CHAMP1: variants seen among roughly 807,000 people sequenced by gnomAD.
CHAMP1 encodes chromosome alignment maintaining phosphoprotein 1.
In CHAMP1, 4 loss-of-function variants were observed where a neutral mutation model predicts 54.5. The ratio of observed to expected loss-of-function variants is 0.07; its 90% CI spans 0.04 to 0.17. The LOEUF (loss-of-function observed/expected upper bound fraction) is 0.17. CHAMP1 is among the 10% of genes least tolerant of loss of function. The pLI, the probability that CHAMP1 is intolerant of heterozygous loss-of-function variation, is 1.00. For missense variants in CHAMP1, 994 were observed against 968.6 expected, an observed-to-expected ratio of 1.03 and a Z score of -0.35; for synonymous variants, 368 against 342.2, an observed-to-expected ratio of 1.08 and a Z score of -0.83.
At chr13:114,317,807 G>A (rs1348424352) in intron 1 of CHAMP1, among the ~76,000 whole-genome samples, 1 of 152,160 alleles carries the variant, frequency 6.6e-6, no homozygotes, top group Non-Finnish European at 1.5e-5. Context: ...TGGGAGATGG[G>A]AAATAGGTAT....
chr13:114,324,832 A>G lies in CHAMP1; in HGVS notation c.990A>G (p.Ser330=), dbSNP rs782455511. 1.2e-6 allele frequency: 2 copies of G among 1,614,000 alleles called. No homozygotes were observed. Among genetic ancestry groups the G allele is most frequent in the East Asian group, 2.2e-5 (1 of 44,870 alleles). Residue 330 remains serine (S), a synonymous_variant, in exon 3 of 3, where the codon TCA becomes TCG. Coordinates refer to ENST00000361283, the MANE Select transcript of CHAMP1 (RefSeq NM_032436.4). The part of the protein sequence containing the change: ...PRPWKSNPSA[S]SGPWKPAKPA... Reference sequence around the variant, plus strand: ...CTTGGAAATCCAATCCTTCAGCATCATCAGGACCTTGGAAGCCAGCTAAAC... The same window carrying G: ...CTTGGAAATCCAATCCTTCAGCATCGTCAGGACCTTGGAAGCCAGCTAAAC...
chr13:114,321,906 A>G (rs782464240), intron 2 of CHAMP1, among the ~76,000 whole-genome samples: 1 of 152,190 alleles, frequency 6.6e-6, no homozygotes, highest in Non-Finnish European at 1.5e-5. Context: ...TTCCTCAAGT[A>G]TCTGTCACCT....
intron 1 of CHAMP1, among the ~76,000 whole-genome samples, chr13:114,317,614 G>A (rs1378507855): frequency 3.3e-5 from 5 of 152,080 alleles, no homozygotes; most frequent in Admixed American, 3.3e-4. Context: ...AACAGAGCGA[G>A]ACCCTGTCTC....
intron 2 of CHAMP1, chr13:114,322,662 G>GA (rs1228971145): frequency 1.3e-5 from 2 of 152,202 alleles, no homozygotes; most frequent in Non-Finnish European, 2.9e-5. Flanking sequence ...TTTCCCTGCA[G>GA]AAATACCCTC....
chr13:114,316,392 A>G (rs1244480885), intron 1 of CHAMP1, among the ~76,000 whole-genome samples: 3 of 151,422 alleles, frequency 2.0e-5, no homozygotes, highest in Non-Finnish European at 2.9e-5. Context: ...CTGACTTTCA[A>G]CCTTAGGTGA....
chr13:114,326,212 G>T lies in CHAMP1; in HGVS notation c.2370G>T (p.Arg790=). Reference sequence around the variant, plus strand: ...AACATTTAACTCATTGTCAAAGCCGGCATAATGAAGAGGCAAATAAAAAGC... The same window carrying T: ...AACATTTAACTCATTGTCAAAGCCGTCATAATGAAGAGGCAAATAAAAAGC... ...FKKHLTHCQS[R]HNEEANKKLM... Residue 790 remains arginine (R), a synonymous_variant, in exon 3 of 3, where the codon CGG becomes CGT. Transcript: ENST00000361283. 6.2e-7 allele frequency: 1 copy of T among 1,601,472 alleles called. No individual in the cohort carries two copies. The highest frequency in any genetic ancestry group is 8.5e-7 in the Non-Finnish European group (1 of 1,174,310).
At chr13:114,323,569 G>A (rs1024243092) in intron 2 of CHAMP1, 3 of 359,842 alleles carry the variant, frequency 8.3e-6, no homozygotes, top group Admixed American at 8.9e-5. Context: ...TAATAGTTGA[G>A]TCATATCATT....
chr13:114,315,835 G>GTTTT (rs1194478086), intron 1 of CHAMP1, among the ~76,000 whole-genome samples: 2 of 129,952 alleles, frequency 1.5e-5, no homozygotes, highest in Non-Finnish European at 3.3e-5. Context: ...GGCAAGTTTT[G>GTTTT]TTTTTTTTTT....
intron 1 of CHAMP1, among the ~76,000 whole-genome samples, chr13:114,315,253 A>G (rs957045033): frequency 2.0e-5 from 3 of 151,638 alleles, no homozygotes; most frequent in Admixed American, 1.3e-4. Flanking sequence ...TAGGGTGGCT[A>G]TTAAAAAAAA....
rs1303893143 is a variant in CHAMP1, at chr13:114,314,651, G to C, written c.-179+8G>C. 6.6e-6 allele frequency: 1 copy of C among 152,164 alleles called. No individual in the cohort carries two copies. The highest frequency in any genetic ancestry group is 1.5e-5 in the Non-Finnish European group (1 of 68,042). 9.4% of individuals were successfully genotyped at this position (152,164 alleles called of 1,614,324 possible). A position where few individuals can be genotyped will look rare whatever the true frequency, so the allele number is the denominator to read the frequency against. ...CCGCCCGCGGCCGGACCGGTGAGGAGCGAGAGCGAGCGGGGGAGGGGCGTG... is the reference window on the plus strand; with the variant it reads ...CCGCCCGCGGCCGGACCGGTGAGGACCGAGAGCGAGCGGGGGAGGGGCGTG... On this transcript the variant is annotated splice_region_variant and intron_variant, in intron 1 of 2. Transcript: ENST00000361283.
At chr13:114,317,361 C>T (rs899632057) in intron 1 of CHAMP1, among the ~76,000 whole-genome samples, 1 of 151,466 alleles carries the variant, frequency 6.6e-6, no homozygotes, top group Admixed American at 6.6e-5. Flanking sequence ...CATGGTAGCT[C>T]ACACCTGTAA....
At chr13:114,317,321 G>A (rs528852067) in intron 1 of CHAMP1, among the ~76,000 whole-genome samples, 1 of 147,634 alleles carries the variant, frequency 6.8e-6, no homozygotes, top group Non-Finnish European at 1.5e-5. Context: ...CACTGCGCCC[G>A]CCCAGTTTAT....
At chr13:114,320,223 T>G (rs2087150463) in intron 1 of CHAMP1, among the ~76,000 whole-genome samples, 1 of 152,212 alleles carries the variant, frequency 6.6e-6, no homozygotes, top group Non-Finnish European at 1.5e-5. Context: ...TATCACATTC[T>G]GTTCCTGTCA....
chr13:114,326,807 A>G lies in CHAMP1; in HGVS notation c.*526A>G, dbSNP rs1481914559. 1.2e-5 allele frequency: 2 copies of G among 167,074 alleles called. No individual in the cohort carries two copies. Among genetic ancestry groups the G allele is most frequent in the African/African-American group, 4.8e-5 (2 of 41,440 alleles). The allele number at this position is 167,074 out of a possible 1,614,324, so 10.3% of individuals were successfully genotyped here. The stretch of plus-strand genomic sequence containing the variant: ...GATGTTTATTAGCTTTTATGTCATG[A>G]AATGTTGGAGTCTCAGGGTTGCTGA... On this transcript the variant is annotated 3_prime_UTR_variant, in exon 3 of 3. Coordinates refer to ENST00000361283, the MANE Select transcript of CHAMP1 (RefSeq NM_032436.4).
Position 114,326,046 on chromosome 13 carries a change from A to G in CHAMP1, c.2204A>G (p.His735Arg). 6.2e-7 allele frequency: 1 copy of G among 1,613,872 alleles called. No homozygotes were observed. The highest frequency in any genetic ancestry group is 8.5e-7 in the Non-Finnish European group (1 of 1,179,904). The change falls in exon 3 of 3, where the codon CAT becomes CGT. Residue 735 changes from histidine (H) to arginine (R), a missense_variant. Physicochemically the swap from His to Arg is conservative, Grantham distance 29. This residue lies in a region of CHAMP1 where 59 missense variants were observed against 146.7 expected (regional missense o/e 0.40). Coordinates refer to ENST00000361283, the MANE Select transcript of CHAMP1 (RefSeq NM_032436.4). ...CATTTGGTTAATAAGCATAATGTTC[A>G]TAGCCCTTACAAATGCACAATCTGT... ...LHHLVNKHNV[H>R]SPYKCTICGK...
intron 1 of CHAMP1, among the ~76,000 whole-genome samples, chr13:114,320,292 G>T (rs1403793951): frequency 1.3e-5 from 2 of 152,106 alleles, no homozygotes; most frequent in African/African-American, 4.8e-5. Context: ...AGAGAAGAGG[G>T]CAGAGCAATC....
rs202129100 is a variant in CHAMP1 at position 114,323,822 on chromosome 13, G to A, written c.-21G>A. 57 of 1,573,146 alleles carry A rather than the reference G, an allele frequency of 3.6e-5. No homozygotes were observed. The highest frequency in any genetic ancestry group is 4.2e-5 in the Non-Finnish European group (49 of 1,159,980). ...AAGTTTTTAAAGAATATAACCGTGT[G>A]TGTTGGTAACAGACAGAAGAATGGA... On this transcript the variant is annotated 5_prime_UTR_variant, in exon 3 of 3. It adds an upstream start codon to the 5' untranslated region. Transcript: ENST00000361283.
chr13:114,322,509 C>T (rs1478532909), intron 2 of CHAMP1: 3 of 152,092 alleles, frequency 2.0e-5, no homozygotes, highest in African/African-American at 7.2e-5. Context: ...CTAGCTTTCA[C>T]CTAGGTTGTA....
rs782180635 is a variant in CHAMP1, at chr13:114,325,845, A to C, written c.2003A>C (p.Glu668Ala). ...GTGGAATCCATTGATTTTAGCAAAG[A>C]GAACAAAATGGACATGACTAGTCCA... ...VDVESIDFSK[E>A]NKMDMTSPEQ... Residue 668 changes from glutamate to alanine, a missense_variant, in exon 3 of 3, where the codon GAG becomes GCG. Physicochemically the swap from Glu to Ala is moderately radical, Grantham distance 107. Coordinates refer to ENST00000361283, the MANE Select transcript of CHAMP1 (RefSeq NM_032436.4). The C allele has an allele frequency of 4.3e-6, 7 of 1,614,090 alleles. No homozygotes were observed. The African/African-American group carries it at 8.0e-5, about 18-fold the overall frequency.
Sources: allele counts gnomAD v4.1 joint callset (sites outside exome capture counted in the v4.1 genomes callset), GRCh38; gene constraint gnomAD v4.1.1; regional missense constraint gnomAD v4.1.1; transcripts MANE v1.5; gene names NCBI Gene and HGNC (gene_info 2026-07-23, HGNC 2026-07-21).